The following RASSF3 variants were observed in gnomAD, a reference collection of about 807,000 sequenced individuals.
The protein encoded by RASSF3 is Ras association domain family member 3, also known as ras association domain-containing protein 3.
In RASSF3, 19 loss-of-function variants were observed where a neutral mutation model predicts 19.9. That is an observed-to-expected ratio of 0.96 (90% CI 0.67 to 1.40). RASSF3 has a LOEUF of 1.40. Among genes scored for constraint, RASSF3 ranks in the 40% most tolerant of loss-of-function variants. RASSF3 has a pLI of 0.00. For missense variants in RASSF3, 306 were observed against 289.8 expected (o/e 1.06, Z -0.41); for synonymous variants, 110 against 104.2 (o/e 1.06, Z -0.34).
At chr12:64,673,303 C>T (rs774741010) in intron 1 of RASSF3, among the ~76,000 whole-genome samples, 4 of 152,034 alleles carry the variant, frequency 2.6e-5, no homozygotes, top group Admixed American at 6.6e-5. Flanking sequence ...TGTCACCACT[C>T]GGAATTATGT....
intron 1 of RASSF3, among the ~76,000 whole-genome samples, chr12:64,634,323 T>C (rs184183165): frequency 0.029 from 4,389 of 149,824 alleles, 86 homozygotes; most frequent in Middle Eastern, 0.049. Context: ...TTTTTTTTTT[T>C]CCTACTTTGA....
At chr12:64,598,214 C>A (rs1265941546) in intron 2 of RASSF3, among the ~76,000 whole-genome samples, 1 of 152,170 alleles carries the variant, frequency 6.6e-6, no homozygotes, top group Non-Finnish European at 1.5e-5. Context: ...CCACCTTGCC[C>A]GGCCCTTGAC....
At chr12:64,608,592 C>A (rs1870235360), upstream of RASSF3, among the ~76,000 whole-genome samples, 1 of 152,184 alleles carries the variant, frequency 6.6e-6, no homozygotes, top group Admixed American at 6.5e-5. Flanking sequence ...GCCATCGCGC[C>A]CGGCCAATAA....
chr12:64,514,094 G>A (rs1349216277), intron 1 of RASSF3, among the ~76,000 whole-genome samples: 1 of 149,188 alleles, frequency 6.7e-6, no homozygotes, highest in South Asian at 2.1e-4. Context: ...TCACCATGTT[G>A]GTCAGGCTGG....
chr12:64,673,192 A>G (rs926417751), intron 1 of RASSF3, among the ~76,000 whole-genome samples: 1 of 152,188 alleles, frequency 6.6e-6, no homozygotes, highest in Non-Finnish European at 1.5e-5. Context: ...TGAGTGGACT[A>G]TGGCTTTTGA....
At chr12:64,509,276 CCT>C (rs1868312903) in intron 1 of RASSF3, among the ~76,000 whole-genome samples, 1 of 152,056 alleles carries the variant, frequency 6.6e-6, no homozygotes, top group Non-Finnish European at 1.5e-5. Context: ...ATGGCGAATC[CCT>C]GTCTCTACTA....
At chr12:64,555,717 C>A (rs140019815) in intron 2 of RASSF3, among the ~76,000 whole-genome samples, 1 of 151,102 alleles carries the variant, frequency 6.6e-6, no homozygotes, top group Non-Finnish European at 1.5e-5. Flanking sequence ...CCACTGCACT[C>A]CAGCCTGGGC....
chr12:64,681,394 T>A (rs1358925812), intron 1 of RASSF3, among the ~76,000 whole-genome samples: 1 of 152,184 alleles, frequency 6.6e-6, no homozygotes. Flanking sequence ...GTTCCTTGTT[T>A]GGTAGAGAAT....
At chr12:64,514,978 C>T (rs563928924) in intron 1 of RASSF3, among the ~76,000 whole-genome samples, 2 of 151,684 alleles carry the variant, frequency 1.3e-5, no homozygotes, top group South Asian at 4.2e-4. Flanking sequence ...TCCATGTTTT[C>T]CAATAGCTTC....
intron 2 of RASSF3, among the ~76,000 whole-genome samples, chr12:64,602,001 C>T (rs1870100429): frequency 6.6e-6 from 1 of 151,332 alleles, no homozygotes; most frequent in Non-Finnish European, 1.5e-5. Context: ...CCTGTGGTCC[C>T]AACTACTCGG....
intron 2 of RASSF3, among the ~76,000 whole-genome samples, chr12:64,556,320 A>C (rs543796958): frequency 6.6e-6 from 1 of 152,018 alleles, no homozygotes; most frequent in Admixed American, 6.6e-5. Flanking sequence ...CACCCAGCTA[A>C]TTTTTTGGTA....
At chr12:64,547,902 TC>T (rs1267162647) in intron 2 of RASSF3, among the ~76,000 whole-genome samples, 1 of 152,176 alleles carries the variant, frequency 6.6e-6, no homozygotes, top group East Asian at 1.9e-4. Flanking sequence ...TTGCCTATAA[TC>T]CCACCACCCA....
intron 1 of RASSF3, among the ~76,000 whole-genome samples, chr12:64,519,473 AGAG>A (rs1375186852): frequency 3.1e-4 from 47 of 152,170 alleles, no homozygotes; most frequent in Non-Finnish European, 3.8e-4. Flanking sequence ...TGGACAGAGG[AGAG>A]GAGGACAGAC....
chr12:64,593,774 G>A (rs1355511665), intron 2 of RASSF3, among the ~76,000 whole-genome samples: 3 of 152,034 alleles, frequency 2.0e-5, no homozygotes, highest in African/African-American at 7.2e-5. Flanking sequence ...GAAGGGTCAT[G>A]GGGCAAGCAG....
chr12:64,692,644 G>A (rs887175625), intron 4 of RASSF3, among the ~76,000 whole-genome samples: 2 of 152,166 alleles, frequency 1.3e-5, no homozygotes, highest in Non-Finnish European at 2.9e-5. Flanking sequence ...AGACACATTA[G>A]CATAGTCTAC....
intron 1 of RASSF3, among the ~76,000 whole-genome samples, chr12:64,508,631 T>A (rs543760809): frequency 3.3e-4 from 50 of 152,148 alleles, no homozygotes; most frequent in African/African-American, 1.1e-3. Context: ...ATGCCTGTAA[T>A]CCCAGCACTT....
intron 2 of RASSF3, among the ~76,000 whole-genome samples, chr12:64,562,154 C>T (rs926899794): frequency 1.3e-5 from 2 of 152,014 alleles, no homozygotes; most frequent in Non-Finnish European, 2.9e-5. Context: ...GATTCTTCTG[C>T]CTCAGCCTCC....
chr12:64,571,254 T>C (rs555227727), intron 2 of RASSF3, among the ~76,000 whole-genome samples: 34 of 152,014 alleles, frequency 2.2e-4, no homozygotes, highest in Non-Finnish European at 4.1e-4. Flanking sequence ...AAAAGAATGA[T>C]AGTTTGTCTC....
At chr12:64,569,011 T>C (rs1869476694) in intron 2 of RASSF3, among the ~76,000 whole-genome samples, 1 of 152,066 alleles carries the variant, frequency 6.6e-6, no homozygotes. Flanking sequence ...TGCCCAGCCA[T>C]GAGTTCACTT....
Sources: allele counts gnomAD v4.1 joint callset (sites outside exome capture counted in the v4.1 genomes callset), GRCh38; gene constraint gnomAD v4.1.1; transcripts MANE v1.5; gene names NCBI Gene and HGNC (gene_info 2026-07-23, HGNC 2026-07-21).